The following ITLN1 variants were observed in gnomAD, a reference collection of about 807,000 sequenced individuals.
The protein encoded by ITLN1 is intelectin-1.
ITLN1 carries 29 observed loss-of-function variants against 36.2 expected under a neutral mutation model. The ratio of observed to expected loss-of-function variants is 0.80; its 90% confidence interval spans 0.60 to 1.09. The LOEUF (loss-of-function observed/expected upper bound fraction) is 1.09, where lower values mean the gene tolerates loss of function less well. Ranked by LOEUF, ITLN1 falls within the 50% of genes least tolerant of loss-of-function variation. ITLN1 has a pLI of 0.00. For missense variants in ITLN1, 358 were observed against 405.2 expected (o/e 0.88, Z 1.00); for synonymous variants, 143 against 146.5 (o/e 0.98, Z 0.17).
Position 160,880,599 on chromosome 1 carries a change from GGTGA to G in ITLN1, c.670_673del (p.Ser224ProfsTer30). ...CATTAAAGACTCACGCTGGCCATAG[GGTGA>G]GTAATAAGATGCTGTTTTCTGGGCG... On this transcript the variant is annotated frameshift_variant, in exon 6 of 8. Coordinates refer to ENST00000326245, the MANE Select transcript of ITLN1 (RefSeq NM_017625.3). LOFTEE classifies it high-confidence loss of function. The G allele has an allele frequency of 3.1e-6, 5 of 1,613,980 alleles. No individual in the cohort carries two copies. The highest frequency in any genetic ancestry group is 1.6e-4 in the Middle Eastern group (1 of 6,062).
chr1:160,883,606 T>C, intron 2 of ITLN1, 80 bp from the exon 3 acceptor site: 1 of 978,930 alleles, frequency 1.0e-6, no homozygotes, highest in Non-Finnish European at 1.6e-6. Context: ...CCACGCTCAT[T>C]CCACCACTGT....
chr1:160,884,937 C>A, intron 1 of ITLN1, 54 bp from the exon 2 acceptor site: 1 of 1,143,226 alleles, frequency 8.7e-7, no homozygotes, highest in Non-Finnish European at 1.3e-6. Context: ...TCTCTACATC[C>A]CTGCCCCACC....
chr1:160,877,158 A>C (rs1670601938), intron 7 of ITLN1, among the ~76,000 whole-genome samples: 1 of 151,858 alleles, frequency 6.6e-6, no homozygotes, highest in Non-Finnish European at 1.5e-5. Context: ...AATTGCTTGA[A>C]CCTGGAAGGT....
At chr1:160,881,532 G>C in intron 4 of ITLN1, 1 of 556,482 alleles carries the variant, frequency 1.8e-6, no homozygotes, top group Non-Finnish European at 3.0e-6. Context: ...AAATTGGCTG[G>C]GTGTGGTGGC....
chr1:160,881,346 C>G (rs753312668), intron 4 of ITLN1, 34 bp from the exon 5 acceptor site: 7 of 1,525,572 alleles, frequency 4.6e-6, no homozygotes, highest in East Asian at 2.3e-5. Flanking sequence ...CTGACTGGGC[C>G]AGGAGGTCCC....
intron 5 of ITLN1, 107 bp downstream of exon 5, chr1:160,881,047 G>T: frequency 7.7e-7 from 1 of 1,297,686 alleles, no homozygotes; most frequent in African/African-American, 1.5e-5. Flanking sequence ...ATCTGGGTTA[G>T]AAGAACATGG....
At chr1:160,876,989 G>A (rs1018666773) in intron 7 of ITLN1, among the ~76,000 whole-genome samples, 173 bp from the exon 8 acceptor site, 5 of 152,220 alleles carry the variant, frequency 3.3e-5, no homozygotes, top group African/African-American at 1.2e-4. Flanking sequence ...TGTAATCCCA[G>A]CAGTCTGGGA....
chr1:160,877,382 G>A (rs1040042654), intron 7 of ITLN1, among the ~76,000 whole-genome samples: 5 of 152,070 alleles, frequency 3.3e-5, no homozygotes, highest in African/African-American at 1.2e-4. Context: ...CCTAGTGGAG[G>A]ACCTATCTCC....
intron 6 of ITLN1, among the ~76,000 whole-genome samples, chr1:160,880,171 G>A (rs1365327042): frequency 6.6e-6 from 1 of 152,120 alleles, no homozygotes; most frequent in Non-Finnish European, 1.5e-5. Context: ...TGGGCGTGGT[G>A]GTGGGCACCT....
Position 160,884,755 on chromosome 1 carries a change from G to A in ITLN1, c.58+65C>T. Reference sequence around the variant, plus strand: ...TCTCAAGGACATGCTCTGTGTCCTGGGAGAGACCAGGATCCCGGAAGTCAT... The same window carrying A: ...TCTCAAGGACATGCTCTGTGTCCTGAGAGAGACCAGGATCCCGGAAGTCAT... On this transcript the variant is annotated intron_variant, in intron 2 of 7. Coordinates refer to ENST00000326245, the MANE Select transcript of ITLN1 (RefSeq NM_017625.3). 3 of 1,116,782 alleles carry A rather than the reference G, an allele frequency of 2.7e-6. No individual in the cohort carries two copies. The South Asian group carries it at 3.8e-5, about 14-fold the overall frequency. The allele number at this position is 1,116,782 out of a possible 1,614,324, so 69.2% of individuals were successfully genotyped here. A position where few individuals can be genotyped will look rare whatever the true frequency, so the allele number is the denominator to read the frequency against.
intron 2 of ITLN1, among the ~76,000 whole-genome samples, chr1:160,884,303 A>G (rs1670723861): frequency 6.6e-6 from 1 of 152,238 alleles, no homozygotes; most frequent in Non-Finnish European, 1.5e-5. Flanking sequence ...CTGTGAGGTC[A>G]GAGGTGACTG....
At position 160,880,529 on chromosome 1, in the gene ITLN1, A is replaced by G. The variant is rs550525286; in HGVS notation, c.685+59T>C. 82 of 1,572,816 alleles carry G rather than the reference A, an allele frequency of 5.2e-5. 1 individual carries two copies. The African/African-American group carries it at 9.2e-4, about 18-fold the overall frequency. ...TCAGTCCGATGCATAACTGTTACCT[A>G]GCATAGTTGAATGTATTCCCTTTCC... On this transcript the variant is annotated intron_variant, in intron 6 of 7. Coordinates refer to ENST00000326245, the MANE Select transcript of ITLN1 (RefSeq NM_017625.3).
At position 160,880,513 on chromosome 1, in the gene ITLN1, T is replaced by C. The variant is rs541128245; in HGVS notation, c.685+75A>G. 11 of 1,484,628 alleles carry C rather than the reference T, an allele frequency of 7.4e-6. No individual in the cohort carries two copies. The African/African-American group carries it at 9.7e-5, about 13-fold the overall frequency. The allele number at this position is 1,484,628 out of a possible 1,614,324, so 92.0% of individuals were successfully genotyped here. ...AGGAGAGAACCAAGCTTCAGTCCGA[T>C]GCATAACTGTTACCTAGCATAGTTG... On this transcript the variant is annotated intron_variant, in intron 6 of 7. Coordinates refer to ENST00000326245, the MANE Select transcript of ITLN1 (RefSeq NM_017625.3).
At chr1:160,883,115 CT>C (rs1670706789) in intron 3 of ITLN1, among the ~76,000 whole-genome samples, 2 of 152,264 alleles carry the variant, frequency 1.3e-5, no homozygotes, top group Admixed American at 6.5e-5. Context: ...TGATCCACCC[CT>C]CTCAGCCTCC....
At position 160,881,227 on chromosome 1, in the gene ITLN1, C is replaced by A. The variant is rs1295806570; in HGVS notation, c.491G>T (p.Ser164Ile). Residue 164 changes from serine to isoleucine, a missense_variant, in exon 5 of 8, where the codon AGC becomes ATC. By Grantham distance (142) the Ser-to-Ile change is moderately radical (BLOSUM62 -2). Transcript: ENST00000326245. ...NKSPMQHWRN[S>I]SLLRYRTDTG... Reference sequence around the variant, plus strand: ...GTCCGTGCGGTACCTCAGCAGGGAGCTGTTTCTCCAGTGCTGCATGGGGGA... The same window carrying A: ...GTCCGTGCGGTACCTCAGCAGGGAGATGTTTCTCCAGTGCTGCATGGGGGA... 3 of 1,613,728 alleles carry A rather than the reference C, an allele frequency of 1.9e-6. No homozygotes were observed. The highest frequency in any genetic ancestry group is 2.5e-6 in the Non-Finnish European group (3 of 1,179,842).
chr1:160,881,854 G>A, intron 4 of ITLN1, 103 bp downstream of exon 4: 1 of 1,297,298 alleles, frequency 7.7e-7, no homozygotes, highest in Non-Finnish European at 1.1e-6. Context: ...TTCTTCTCCA[G>A]CCCATCCCAC....
intron 4 of ITLN1, chr1:160,881,630 GA>G (rs1670679670): frequency 2.0e-6 from 1 of 494,042 alleles, no homozygotes. Flanking sequence ...CCAACATGGT[GA>G]AACCCCATCT....
chr1:160,881,517 A>C (rs901209669), intron 4 of ITLN1: 33 of 575,406 alleles, frequency 5.7e-5, no homozygotes, highest in African/African-American at 3.7e-4. Flanking sequence ...TGTGATTCAA[A>C]GTGTAAATTG....
Position 160,879,417 on chromosome 1 carries a change from G to A in ITLN1, c.686-3C>T. 1 of 1,611,608 alleles carries A rather than the reference G, an allele frequency of 6.2e-7. No homozygotes were observed. The highest frequency in any genetic ancestry group is 8.5e-7 in the Non-Finnish European group (1 of 1,177,778). ...AACAAATCCCGCAGTGAATTCCCCT[G>A]AAAACAAGAGGCAGAAAACAGCATT... On this transcript the variant is annotated splice_polypyrimidine_tract_variant and splice_region_variant and intron_variant, in intron 6 of 7. Transcript: ENST00000326245.
Sources: allele counts gnomAD v4.1 joint callset (sites outside exome capture counted in the v4.1 genomes callset), GRCh38; gene constraint gnomAD v4.1.1; transcripts MANE v1.5; gene names NCBI Gene and HGNC (gene_info 2026-07-23, HGNC 2026-07-21).